The following BCAT1 variants were observed in gnomAD, a reference collection of about 807,000 sequenced individuals.
BCAT1 encodes branched chain amino acid transaminase 1, also known as branched-chain-amino-acid aminotransferase, cytosolic.
Under a neutral mutation model 52.4 loss-of-function variants are expected in BCAT1, and 48 were observed. The observed-to-expected ratio is 0.92, with a 90% CI of 0.73 to 1.16. BCAT1 has a LOEUF of 1.16. Among genes scored for constraint, BCAT1 ranks in the 50% most tolerant of loss-of-function variants. BCAT1 has a pLI of 0.00. For missense variants in BCAT1, 451 were observed against 457.1 expected (o/e 0.99, Z 0.12); for synonymous variants, 167 against 161.3 (o/e 1.04, Z -0.27).
intron 1 of BCAT1, among the ~76,000 whole-genome samples, chr12:24,936,649 G>A (rs1169441536): frequency 1.3e-5 from 2 of 151,584 alleles, no homozygotes; most frequent in East Asian, 3.9e-4. Context: ...GCTTCTACAA[G>A]CCACCTGCAT....
At chr12:24,855,421 C>T (rs1263662160) in intron 5 of BCAT1, among the ~76,000 whole-genome samples, 1 of 152,112 alleles carries the variant, frequency 6.6e-6, no homozygotes. Context: ...CGCTCTCTTG[C>T]CCAGGGTGGA....
At chr12:24,943,587 G>A (rs1282842831) in intron 1 of BCAT1, among the ~76,000 whole-genome samples, 1 of 151,408 alleles carries the variant, frequency 6.6e-6, no homozygotes, top group African/African-American at 2.4e-5. Flanking sequence ...TAGACTAGGA[G>A]TCTGTCTACT....
chr12:24,924,683 A>C (rs1476110724), intron 1 of BCAT1, among the ~76,000 whole-genome samples: 1 of 152,202 alleles, frequency 6.6e-6, no homozygotes, highest in Non-Finnish European at 1.5e-5. Context: ...AAAACACACA[A>C]ATATTGATCC....
chr12:24,945,679 C>G (rs12313801), intron 1 of BCAT1: 1 of 152,024 alleles, frequency 6.6e-6, no homozygotes, highest in Non-Finnish European at 1.5e-5. Flanking sequence ...CAAAAAAATA[C>G]GAAAATTAGC....
At chr12:24,938,681 G>A (rs1008897676) in intron 1 of BCAT1, among the ~76,000 whole-genome samples, 2 of 152,058 alleles carry the variant, frequency 1.3e-5, no homozygotes, top group South Asian at 2.1e-4. Context: ...CTGAGCCCAG[G>A]AGTATGGGGT....
chr12:24,922,692 G>A (rs1313744632), intron 1 of BCAT1, among the ~76,000 whole-genome samples: 1 of 152,020 alleles, frequency 6.6e-6, no homozygotes, highest in Non-Finnish European at 1.5e-5. Context: ...CCAACATGGT[G>A]AAACCCCGTC....
At chr12:24,875,111 T>C in intron 5 of BCAT1, among the ~76,000 whole-genome samples, 1 of 150,810 alleles carries the variant, frequency 6.6e-6, no homozygotes, top group East Asian at 1.9e-4. Context: ...CATAAAAAGA[T>C]AAGTAAAGCT....
chr12:24,901,933 G>C (rs761003803), intron 1 of BCAT1, 48 bp from the exon 2 acceptor site: 2 of 1,613,138 alleles, frequency 1.2e-6, no homozygotes, highest in African/African-American at 2.7e-5. Context: ...GTGGGTAAGC[G>C]GGACCCGGGG....
chr12:24,829,980 A>C, intron 9 of BCAT1, 83 bp from the exon 10 acceptor site: 1 of 986,452 alleles, frequency 1.0e-6, no homozygotes, highest in East Asian at 2.7e-5. Context: ...CAATTCTGCT[A>C]TACTAAGGCA....
intron 1 of BCAT1, among the ~76,000 whole-genome samples, chr12:24,946,024 A>G (rs569601747): frequency 6.6e-6 from 1 of 152,306 alleles, no homozygotes; most frequent in East Asian, 1.9e-4. Flanking sequence ...CCAACACTAA[A>G]GGGAAATAAA....
At chr12:24,878,465 C>A in intron 5 of BCAT1, 65 bp downstream of exon 5, 1 of 1,454,692 alleles carries the variant, frequency 6.9e-7, no homozygotes, top group Non-Finnish European at 9.2e-7. Context: ...CTAGAAGTTT[C>A]AAACAACAAT....
chr12:24,818,476 C>T (rs138769836), intron 10 of BCAT1, among the ~76,000 whole-genome samples: 1 of 152,244 alleles, frequency 6.6e-6, no homozygotes, highest in African/African-American at 2.4e-5. Context: ...ATCAGCATCA[C>T]CAGACAACAA....
At chr12:24,925,830 G>C (rs1162491920) in intron 1 of BCAT1, among the ~76,000 whole-genome samples, 2 of 152,244 alleles carry the variant, frequency 1.3e-5, no homozygotes, top group Non-Finnish European at 2.9e-5. Flanking sequence ...AACCGGGAGT[G>C]ATCTGCCAGC....
intron 3 of BCAT1, among the ~76,000 whole-genome samples, chr12:24,885,481 C>A (rs763210160): frequency 1.9e-4 from 29 of 151,976 alleles, no homozygotes; most frequent in Admixed American, 6.5e-4. Flanking sequence ...TCAATGTAAT[C>A]CAAATTAAAA....
At chr12:24,868,893 G>A (rs1428050064) in intron 5 of BCAT1, among the ~76,000 whole-genome samples, 2 of 152,172 alleles carry the variant, frequency 1.3e-5, no homozygotes, top group African/African-American at 4.8e-5. Flanking sequence ...TTTGCAGTAC[G>A]TTTATCCAAC....
intron 1 of BCAT1, chr12:24,904,158 G>A (rs946852666): frequency 6.6e-6 from 1 of 152,276 alleles, no homozygotes; most frequent in African/African-American, 2.4e-5. Flanking sequence ...TACCACCATA[G>A]AGCGGCGAGT....
intron 1 of BCAT1, among the ~76,000 whole-genome samples, chr12:24,920,496 TA>T (rs1330232683): frequency 2.0e-5 from 3 of 152,226 alleles, no homozygotes; most frequent in African/African-American, 7.2e-5. Flanking sequence ...GGAGTGTTTC[TA>T]CCACTATACT....
chr12:24,898,266 A>G (rs1943003952), intron 2 of BCAT1, among the ~76,000 whole-genome samples: 1 of 152,174 alleles, frequency 6.6e-6, no homozygotes, highest in Non-Finnish European at 1.5e-5. Flanking sequence ...TCTCTTTCCA[A>G]TGCTCCACAT....
In BCAT1 at chr12:24,849,812, A is replaced by C. The variant is rs1941451368; in HGVS notation, c.648T>G (p.Gly216=). The change falls in exon 6 of 11, where the codon GGT becomes GGG. Residue 216 remains glycine (G), a synonymous_variant. Transcript: ENST00000261192. ...ANPKYVRAWK[G]GTGDCKMGGN... ...CTCCCATCTTGCAGTCCCCAGTTCCACCTTTCCAGGCTCTTACATACTTGG... is the reference window on the plus strand; with the variant it reads ...CTCCCATCTTGCAGTCCCCAGTTCCCCCTTTCCAGGCTCTTACATACTTGG... The C allele has an allele frequency of 6.2e-7, 1 of 1,612,096 alleles. No individual in the cohort carries two copies. Among genetic ancestry groups the C allele is most frequent in the Non-Finnish European group, 8.5e-7 (1 of 1,178,714 alleles).
Sources: gnomAD v4.1 joint callset for allele counts (sites outside exome capture counted in the v4.1 genomes callset) on GRCh38, gnomAD v4.1.1 for gene constraint, MANE v1.5 for transcripts, NCBI Gene and HGNC (gene_info 2026-07-23, HGNC 2026-07-21) for gene names.